The following GAREM1 variants were observed in gnomAD, a reference collection of about 807,000 sequenced individuals.
GAREM1 encodes GRB2-associated and regulator of MAPK protein 1.
In GAREM1, 26 loss-of-function variants were observed where a neutral mutation model predicts 71.3. The ratio of observed to expected loss-of-function variants is 0.36; its 90% CI spans 0.27 to 0.51. GAREM1 has a LOEUF of 0.51. Ranked by LOEUF, GAREM1 falls within the 20% of genes least tolerant of loss-of-function variation. GAREM1 has a pLI of 0.95. For missense variants in GAREM1, 1,026 were observed against 1,103.1 expected (o/e 0.93, Z 0.99); for synonymous variants, 440 against 433.2 (o/e 1.02, Z -0.20).
chr18:32,345,301 T>A (rs534692834), intron 2 of GAREM1, among the ~76,000 whole-genome samples: 1 of 152,302 alleles, frequency 6.6e-6, no homozygotes, highest in Non-Finnish European at 1.5e-5. Flanking sequence ...AGGAAACCAG[T>A]ATTACCAATA....
At chr18:32,355,719 A>G (rs1031334658) in intron 2 of GAREM1, among the ~76,000 whole-genome samples, 1 of 152,202 alleles carries the variant, frequency 6.6e-6, no homozygotes, top group Non-Finnish European at 1.5e-5. Flanking sequence ...AAAGAACAAG[A>G]GTATGTTGAC....
intron 2 of GAREM1, among the ~76,000 whole-genome samples, chr18:32,346,698 G>A (rs1192806641): frequency 1.3e-5 from 2 of 152,212 alleles, no homozygotes; most frequent in African/African-American, 4.8e-5. Flanking sequence ...AGTTGTGTCA[G>A]ACATTGAAAG....
At chr18:32,440,097 G>T (rs1310428353) in intron 1 of GAREM1, among the ~76,000 whole-genome samples, 1 of 152,024 alleles carries the variant, frequency 6.6e-6, no homozygotes, top group East Asian at 1.9e-4. Flanking sequence ...ATGATTTCAG[G>T]CATTTATTTG....
At chr18:32,306,536 C>T (rs1286908909) in intron 3 of GAREM1, among the ~76,000 whole-genome samples, 1 of 152,130 alleles carries the variant, frequency 6.6e-6, no homozygotes, top group Non-Finnish European at 1.5e-5. Flanking sequence ...TGTACAGACA[C>T]TGCCAGTGTC....
intron 1 of GAREM1, among the ~76,000 whole-genome samples, chr18:32,429,664 G>T (rs963113879): frequency 6.6e-6 from 1 of 152,170 alleles, no homozygotes; most frequent in Non-Finnish European, 1.5e-5. Context: ...CAGCTTGCCG[G>T]CTATGTTTCC....
intron 2 of GAREM1, among the ~76,000 whole-genome samples, chr18:32,341,885 G>T (rs2047651270): frequency 2.0e-5 from 3 of 152,084 alleles, no homozygotes; most frequent in Admixed American, 6.6e-5. Context: ...TCGGCGATGG[G>T]TGATAAAGCC....
chr18:32,413,180 G>A (rs1246957288), intron 1 of GAREM1: 91 of 1,601,690 alleles, frequency 5.7e-5, no homozygotes, highest in South Asian at 1.2e-4. Flanking sequence ...TAGACATGAC[G>A]GCAGGGTGAA....
At chr18:32,458,140 A>G (rs2048915022) in intron 1 of GAREM1, among the ~76,000 whole-genome samples, 1 of 152,090 alleles carries the variant, frequency 6.6e-6, no homozygotes, top group Admixed American at 6.6e-5. Flanking sequence ...ACTTCAGTTT[A>G]TGTATTACAT....
chr18:32,303,991 G>A (rs1162977598), intron 3 of GAREM1, among the ~76,000 whole-genome samples: 1 of 150,666 alleles, frequency 6.6e-6, no homozygotes, highest in Non-Finnish European at 1.5e-5. Flanking sequence ...AGGGAGGGAG[G>A]GGAGGGGAGG....
At chr18:32,321,663 T>A (rs1278796227) in intron 2 of GAREM1, among the ~76,000 whole-genome samples, 1 of 152,232 alleles carries the variant, frequency 6.6e-6, no homozygotes, top group Admixed American at 6.5e-5. Context: ...AGGATGGTCA[T>A]CCTTGACACT....
At chr18:32,448,495 C>G (rs1024826298) in intron 1 of GAREM1, among the ~76,000 whole-genome samples, 1 of 152,130 alleles carries the variant, frequency 6.6e-6, no homozygotes, top group Admixed American at 6.5e-5. Flanking sequence ...ACTCCATAAT[C>G]GTAAAATGCA....
intron 2 of GAREM1, among the ~76,000 whole-genome samples, chr18:32,379,705 TA>T (rs1212821363): frequency 2.9e-3 from 403 of 140,036 alleles, no homozygotes; most frequent in Middle Eastern, 7.4e-3. Context: ...ACTTGGTCTT[TA>T]AAAAAAAAAA....
At chr18:32,401,969 CT>C (rs1037243472) in intron 1 of GAREM1, among the ~76,000 whole-genome samples, 1 of 152,022 alleles carries the variant, frequency 6.6e-6, no homozygotes, top group Non-Finnish European at 1.5e-5. Flanking sequence ...ATGCTTATGT[CT>C]TTTTTTATTT....
intron 2 of GAREM1, among the ~76,000 whole-genome samples, chr18:32,367,020 T>C (rs2047933910): frequency 6.6e-6 from 1 of 152,214 alleles, no homozygotes; most frequent in Non-Finnish European, 1.5e-5. Context: ...CTAGCAGTGC[T>C]CATGTCTTTA....
At chr18:32,311,623 G>C (rs542220214) in intron 2 of GAREM1, among the ~76,000 whole-genome samples, 1 of 152,186 alleles carries the variant, frequency 6.6e-6, no homozygotes, top group South Asian at 2.1e-4. Context: ...GTGCTTGGTA[G>C]TTGCAGTTAG....
chr18:32,352,409 G>T (rs953464050), intron 2 of GAREM1, among the ~76,000 whole-genome samples: 6 of 152,140 alleles, frequency 3.9e-5, no homozygotes, highest in Middle Eastern at 3.2e-3. Context: ...TCCTTTCATT[G>T]TAAGCTCAGA....
intron 2 of GAREM1, among the ~76,000 whole-genome samples, chr18:32,335,934 TGGGA>T (rs2047587527): frequency 6.6e-6 from 1 of 152,118 alleles, no homozygotes; most frequent in South Asian, 2.1e-4. Flanking sequence ...AGAGTGACCA[TGGGA>T]GCAACGGAGT....
At chr18:32,392,180 G>A (rs554339744) in intron 2 of GAREM1, among the ~76,000 whole-genome samples, 14 of 151,156 alleles carry the variant, frequency 9.3e-5, no homozygotes, top group South Asian at 6.3e-4. Context: ...TATAAGTGCC[G>A]GAAAAAGCAT....
chr18:32,293,295 C>CAA (rs1183383616), intron 3 of GAREM1, among the ~76,000 whole-genome samples: 1 of 152,044 alleles, frequency 6.6e-6, no homozygotes, highest in Admixed American at 6.6e-5. Context: ...TGAAATGGTA[C>CAA]AAGGTGTGCT....
Sources: allele counts gnomAD v4.1 joint callset (sites outside exome capture counted in the v4.1 genomes callset), GRCh38; gene constraint gnomAD v4.1.1; transcripts MANE v1.5; gene names NCBI Gene and HGNC (gene_info 2026-07-23, HGNC 2026-07-21).